The following BAIAP3 variants were observed in gnomAD, a reference collection of about 807,000 sequenced individuals.
The protein encoded by BAIAP3 is BAI1-associated protein 3.
A neutral mutation model predicts 149.7 loss-of-function variants in BAIAP3; 180 were observed. The ratio of observed to expected loss-of-function variants is 1.20; its 90% CI spans 1.07 to 1.36. The LOEUF (loss-of-function observed/expected upper bound fraction) is 1.36. BAIAP3 is among the 40% of genes most tolerant of loss of function. The pLI, the probability that BAIAP3 is intolerant of heterozygous loss-of-function variation, is 0.00. For missense variants in BAIAP3, 1,767 were observed against 1,563.4 expected (o/e 1.13, Z -2.20); for synonymous variants, 845 against 670.7 (o/e 1.26, Z -4.02).
intron 11 of BAIAP3, 59 bp downstream of exon 11, chr16:1,342,342 G>A: frequency 1.3e-6 from 2 of 1,552,834 alleles, no homozygotes; most frequent in African/African-American, 1.4e-5. Context: ...GAGTGTCCCA[G>A]CCTTCAAGGG....
chr16:1,343,430 ACG>A lies in BAIAP3; in HGVS notation c.1305_1306del (p.Leu436GlyfsTer32), dbSNP rs2034076498. The A allele has an allele frequency of 6.3e-7, 1 of 1,579,256 alleles. No homozygotes were observed. The highest frequency in any genetic ancestry group is 8.6e-7 in the Non-Finnish European group (1 of 1,164,526). On this transcript the variant is annotated frameshift_variant, in exon 15 of 34. Coordinates refer to ENST00000426824, the MANE Select transcript of BAIAP3 (RefSeq NM_001199097.2). LOFTEE classifies it high-confidence loss of function. ...CAGCAGCCGCCACCATCAAACCTGC[ACG>A]CTGGACTACAGCTACCTGCTGGGGC... ...QVSSRHHQTC[T>X]LDYSYLLGLL...
At chr16:1,337,885 T>A (rs2033576658) in intron 1 of BAIAP3, among the ~76,000 whole-genome samples, 2 of 152,184 alleles carry the variant, frequency 1.3e-5, no homozygotes, top group South Asian at 4.1e-4. Flanking sequence ...CACCTTCTAC[T>A]GTCCACCTCA....
chr16:1,345,690 CCACCT>C, intron 22 of BAIAP3, 52 bp from the exon 23 acceptor site: 1 of 997,428 alleles, frequency 1.0e-6, no homozygotes, highest in Non-Finnish European at 1.4e-6. Flanking sequence ...CCCGCCTCCC[CCACCT>C]CCCCAGCCTC....
intron 4 of BAIAP3, 115 bp downstream of exon 4, chr16:1,339,359 G>A (rs2033695428): frequency 1.3e-6 from 2 of 1,496,340 alleles, no homozygotes; most frequent in South Asian, 2.5e-5. Flanking sequence ...CAGGGTGAGT[G>A]GGTGGGTGAG....
chr16:1,338,892 C>T lies in BAIAP3; in HGVS notation c.132-10C>T, dbSNP rs2033657241. 1.9e-6 allele frequency: 3 copies of T among 1,612,908 alleles called. No individual in the cohort carries two copies. Among genetic ancestry groups the T allele is most frequent in the African/African-American group, 2.7e-5 (2 of 75,062 alleles). On this transcript the variant is annotated splice_polypyrimidine_tract_variant and intron_variant, in intron 2 of 33. Coordinates refer to ENST00000426824, the MANE Select transcript of BAIAP3 (RefSeq NM_001199097.2). ...CTGAGAGCTGTGAGCTGACCCGGCT[C>T]TTTCTCCAGGAAACCCGGGGATGGC...
At position 1,345,099 on chromosome 16, in the gene BAIAP3, G is replaced by A. The variant is rs776769883; in HGVS notation, c.1940G>A (p.Arg647Gln). 13 of 1,612,394 alleles carry A rather than the reference G, an allele frequency of 8.1e-6. No homozygotes were observed. Among genetic ancestry groups the A allele is most frequent in the East Asian group, 2.2e-5 (1 of 44,900 alleles). ...CGCTTCTGGGATAGCATCCCTGGCC[G>A]GTGGGTGCCCCGTCCCTATCTCTTG... ...LQRFWDSIPG[R>Q]DSRSLALAGI... Residue 647 changes from arginine (R) to glutamine (Q), a missense_variant and splice_region_variant, in exon 21 of 34, where the codon CGG becomes CAG. Arg to Gln is a conservative substitution (Grantham distance 43, BLOSUM62 1). Coordinates refer to ENST00000426824, the MANE Select transcript of BAIAP3 (RefSeq NM_001199097.2).
At chr16:1,338,507 A>G in intron 1 of BAIAP3, 33 bp from the exon 2 acceptor site, 1 of 1,309,944 alleles carries the variant, frequency 7.6e-7, no homozygotes, top group Non-Finnish European at 1.0e-6. Flanking sequence ...TGAGTGGACG[A>G]CCTGAGGCTG....
intron 1 of BAIAP3, chr16:1,334,520 A>G: frequency 4.4e-6 from 3 of 683,398 alleles, no homozygotes; most frequent in South Asian, 3.7e-5. Flanking sequence ...GGGCGAGGGG[A>G]GGAAGAAGGC....
rs1281496160 is a variant in BAIAP3, at chr16:1,345,735, C to T, written c.2065-12C>T. On this transcript the variant is annotated splice_polypyrimidine_tract_variant and intron_variant, in intron 22 of 33. Coordinates refer to ENST00000426824, the MANE Select transcript of BAIAP3 (RefSeq NM_001199097.2). ...GCCTCCCCAGCAAACCCAGCCTCCC[C>T]TGCCTCCCTAGCTGGAGCCCGTGGA... 2.0e-6 allele frequency: 3 copies of T among 1,530,570 alleles called. No individual in the cohort carries two copies. Among genetic ancestry groups the T allele is most frequent in the Non-Finnish European group, 1.7e-6 (2 of 1,146,146 alleles). 94.8% of individuals were successfully genotyped at this position (1,530,570 alleles called of 1,614,324 possible).
rs201030421 is a variant in BAIAP3 at position 1,341,823 on chromosome 16, G to A, written c.733G>A (p.Glu245Lys). 6.2e-6 allele frequency: 10 copies of A among 1,612,394 alleles called. No homozygotes were observed. Among genetic ancestry groups the A allele is most frequent in the East Asian group, 2.2e-5 (1 of 44,868 alleles). Residue 245 changes from glutamate (E) to lysine (K), a missense_variant and splice_region_variant, in exon 9 of 34, where the codon GAG becomes AAG. Transcript: ENST00000426824. ...NPVWKEHFLFEIEDVSTDQLH... is the reference protein window; with the variant it reads ...NPVWKEHFLFKIEDVSTDQLH... ...TGGGCATCTCTGTTCTCCTTGTAGC[G>A]AGATTGAGGATGTGAGCACGGACCA...
chr16:1,337,078 G>A (rs1422313875), intron 1 of BAIAP3, among the ~76,000 whole-genome samples: 1 of 152,164 alleles, frequency 6.6e-6, no homozygotes, highest in African/African-American at 2.4e-5. Context: ...TGGGGCTGCT[G>A]GGGGGCAGAG....
At chr16:1,347,206 G>A (rs904420268) in intron 28 of BAIAP3, 92 bp from the exon 29 acceptor site, 43 of 1,331,288 alleles carry the variant, frequency 3.2e-5, no homozygotes, top group Non-Finnish European at 4.5e-5. Context: ...TGAGCCCCCA[G>A]TGCTGCCTGG....
At chr16:1,346,574 G>T (rs1273285685) in intron 26 of BAIAP3, 31 bp from the exon 27 acceptor site, 1 of 1,567,632 alleles carries the variant, frequency 6.4e-7, no homozygotes, top group Non-Finnish European at 8.6e-7. Context: ...GAGGTGCGGG[G>T]TAAGCCTGGC....
intron 29 of BAIAP3, 84 bp downstream of exon 29, chr16:1,347,453 G>A (rs1323580595): frequency 5.3e-5 from 84 of 1,586,522 alleles, no homozygotes; most frequent in Non-Finnish European, 7.1e-5. Context: ...GTGTCCTTGA[G>A]CATGAGGTGG....
chr16:1,342,079 C>G lies in BAIAP3; in HGVS notation c.854+16C>G. 1 of 1,588,038 alleles carries G rather than the reference C, an allele frequency of 6.3e-7. No homozygotes were observed. The highest frequency in any genetic ancestry group is 8.6e-7 in the Non-Finnish European group (1 of 1,166,572). On this transcript the variant is annotated intron_variant, in intron 10 of 33. Coordinates refer to ENST00000426824, the MANE Select transcript of BAIAP3 (RefSeq NM_001199097.2). ...GCATGGGCAGGTATGACTGCTGGGA[C>G]CTTTCTACCCATCACCCGTGCCCTC...
intron 8 of BAIAP3, 53 bp downstream of exon 8, chr16:1,341,542 A>G: frequency 6.4e-7 from 1 of 1,563,822 alleles, no homozygotes; most frequent in Non-Finnish European, 8.7e-7. Context: ...TGGGGTCCAG[A>G]GCTGGGCTGT....
At chr16:1,336,343 C>G (rs1001958033) in intron 1 of BAIAP3, 1 of 984,136 alleles carries the variant, frequency 1.0e-6, no homozygotes, top group Admixed American at 6.2e-5. Flanking sequence ...CCTACCAAGC[C>G]CCCCCATCTT....
intron 8 of BAIAP3, 127 bp downstream of exon 8, chr16:1,341,616 A>G: frequency 7.5e-7 from 1 of 1,327,944 alleles, no homozygotes; most frequent in Non-Finnish European, 1.0e-6. Flanking sequence ...CACTTTCCAG[A>G]GGAGAAAACT....
At position 1,339,225 on chromosome 16, in the gene BAIAP3, G is replaced by A. The variant is rs1416919656; in HGVS notation, c.281G>A (p.Arg94Lys). The A allele has an allele frequency of 2.6e-6, 4 of 1,564,970 alleles. No homozygotes were observed. The highest frequency in any genetic ancestry group is 2.3e-5 in the East Asian group (1 of 42,598). Residue 94 changes from arginine to lysine, a missense_variant, in exon 4 of 34, where the codon AGA (arginine) becomes AAA (lysine). Arg to Lys is a conservative substitution (Grantham distance 26). Transcript: ENST00000426824. ...CCTGTGGATCCCAGCCTCGGCCTGA[G>A]AGCCCTGGCCCCAGAGGAGGTAAAG... is the stretch of plus-strand genomic sequence containing the variant. ...PEPVDPSLGL[R>K]ALAPEEVEML...
Sources: gnomAD v4.1 joint callset for allele counts (sites outside exome capture counted in the v4.1 genomes callset) on GRCh38, gnomAD v4.1.1 for gene constraint, MANE v1.5 for transcripts, NCBI Gene and HGNC (gene_info 2026-07-23, HGNC 2026-07-21) for gene names.